TMEM38B: variants seen among roughly 807,000 people sequenced by gnomAD.
The protein encoded by TMEM38B is trimeric intracellular cation channel type B.
In TMEM38B, 24 loss-of-function variants were observed where a neutral mutation model predicts 28.7. That is an observed-to-expected ratio of 0.84 (90% CI 0.61 to 1.18). The LOEUF is 1.18. Among genes scored for constraint, TMEM38B ranks in the 50% most tolerant of loss-of-function variants. TMEM38B has a pLI of 0.00. For synonymous variants in TMEM38B, 131 were observed against 127.7 expected (o/e 1.03, Z -0.17); for missense variants, 380 against 350.9 (o/e 1.08, Z -0.66).
At chr9:105,705,774 C>T in intron 2 of TMEM38B, 21 bp downstream of exon 2, 1 of 1,597,808 alleles carries the variant, frequency 6.3e-7, no homozygotes, top group Non-Finnish European at 8.5e-7. Context: ...AGTATGGTGA[C>T]CTATGTGACA....
chr9:105,748,352 A>T (rs1191199853), intron 5 of TMEM38B, among the ~76,000 whole-genome samples, 162 bp downstream of exon 5: 1 of 152,118 alleles, frequency 6.6e-6, no homozygotes, highest in African/African-American at 2.4e-5. Flanking sequence ...ACTTTCTGAA[A>T]CTTAGCTTTT....
intron 4 of TMEM38B, among the ~76,000 whole-genome samples, chr9:105,732,686 G>A (rs1836800679): frequency 6.6e-6 from 1 of 152,154 alleles, no homozygotes; most frequent in Non-Finnish European, 1.5e-5. Flanking sequence ...TTTGGTACCA[G>A]TACCATGCTA....
chr9:105,759,809 G>A, intron 5 of TMEM38B: 1 of 1,607,662 alleles, frequency 6.2e-7, no homozygotes, highest in Non-Finnish European at 8.5e-7. Flanking sequence ...GAGGAGTTGT[G>A]TAATGGGAAA....
At chr9:105,736,577 A>G (rs1291535283) in intron 4 of TMEM38B, among the ~76,000 whole-genome samples, 1 of 152,110 alleles carries the variant, frequency 6.6e-6, no homozygotes, top group Non-Finnish European at 1.5e-5. Flanking sequence ...CATTATTTGA[A>G]TTCCTTTTTA....
At chr9:105,755,234 A>G (rs1172410523) in intron 5 of TMEM38B, among the ~76,000 whole-genome samples, 3 of 152,174 alleles carry the variant, frequency 2.0e-5, no homozygotes, top group African/African-American at 7.2e-5. Flanking sequence ...GTACCATTCT[A>G]CTGAATCTAG....
intron 2 of TMEM38B, among the ~76,000 whole-genome samples, chr9:105,719,994 G>C (rs1836263446): frequency 1.3e-5 from 2 of 151,986 alleles, no homozygotes; most frequent in Non-Finnish European, 2.9e-5. Context: ...TATTCAAAGA[G>C]AGAACTATAC....
intron 5 of TMEM38B, chr9:105,758,231 A>G (rs534097222): frequency 3.3e-5 from 22 of 662,644 alleles, no homozygotes; most frequent in Middle Eastern, 3.8e-4. Context: ...TCAGGCGGGC[A>G]TGTATTATTC....
At chr9:105,741,876 A>C (rs2133607795) in intron 4 of TMEM38B, among the ~76,000 whole-genome samples, 1 of 152,334 alleles carries the variant, frequency 6.6e-6, no homozygotes, top group South Asian at 2.1e-4. Flanking sequence ...GAGAGAAGTG[A>C]GGGTGTGACT....
At chr9:105,759,422 C>T (rs1283762750) in intron 5 of TMEM38B, 2 of 1,556,060 alleles carry the variant, frequency 1.3e-6, no homozygotes, top group Non-Finnish European at 8.7e-7. Flanking sequence ...ATAAGCAATC[C>T]AGGATTTCAA....
intron 4 of TMEM38B, among the ~76,000 whole-genome samples, chr9:105,734,125 ATTGGT>A (rs1215539106): frequency 3.9e-5 from 6 of 151,942 alleles, no homozygotes; most frequent in Admixed American, 3.9e-4. Context: ...TCATGTAAGT[ATTGGT>A]ATATCTTATT....
intron 4 of TMEM38B, among the ~76,000 whole-genome samples, chr9:105,730,129 T>A (rs1005766784): frequency 2.0e-5 from 3 of 152,178 alleles, no homozygotes; most frequent in Non-Finnish European, 2.9e-5. Context: ...ATAGGAGTGG[T>A]GAGAGAGGGC....
intron 2 of TMEM38B, among the ~76,000 whole-genome samples, chr9:105,715,644 A>G (rs1448152407): frequency 6.6e-6 from 1 of 151,738 alleles, no homozygotes; most frequent in Admixed American, 6.6e-5. Context: ...TTCTTTGAAG[A>G]CACTATCTGT....
chr9:105,709,587 T>G (rs1159782955), intron 2 of TMEM38B, among the ~76,000 whole-genome samples: 1 of 152,236 alleles, frequency 6.6e-6, no homozygotes, highest in Non-Finnish European at 1.5e-5. Context: ...GTACAATGTT[T>G]TGCCCACAGT....
At chr9:105,773,111 G>C (rs921636650) in intron 5 of TMEM38B, among the ~76,000 whole-genome samples, 1 of 152,142 alleles carries the variant, frequency 6.6e-6, no homozygotes, top group African/African-American at 2.4e-5. Flanking sequence ...CTTTGGAGCT[G>C]TTCTAGACTT....
At chr9:105,740,773 G>T (rs1054488975) in intron 4 of TMEM38B, among the ~76,000 whole-genome samples, 1 of 152,074 alleles carries the variant, frequency 6.6e-6, no homozygotes, top group Admixed American at 6.5e-5. Flanking sequence ...TATACGTATT[G>T]TGGAAAATTT....
chr9:105,759,224 G>T, intron 5 of TMEM38B: 1 of 715,450 alleles, frequency 1.4e-6, no homozygotes, highest in South Asian at 1.6e-5. Flanking sequence ...AATTATTTGT[G>T]AACATTTTGG....
At chr9:105,715,214 A>G (rs1836051529) in intron 2 of TMEM38B, among the ~76,000 whole-genome samples, 1 of 152,182 alleles carries the variant, frequency 6.6e-6, no homozygotes, top group African/African-American at 2.4e-5. Flanking sequence ...TTTAACAATA[A>G]ATGTACTATT....
chr9:105,709,447 G>T (rs1299257952), intron 2 of TMEM38B, among the ~76,000 whole-genome samples: 2 of 152,032 alleles, frequency 1.3e-5, no homozygotes, highest in African/African-American at 4.8e-5. Flanking sequence ...GATATGAATG[G>T]TGTAAAATAT....
intron 5 of TMEM38B, among the ~76,000 whole-genome samples, chr9:105,765,746 G>A (rs1359400029): frequency 1.3e-5 from 2 of 152,100 alleles, no homozygotes; most frequent in Non-Finnish European, 2.9e-5. Flanking sequence ...TATAAATAAA[G>A]CTGCTATGAA....
Sources: gnomAD v4.1 joint callset for allele counts (sites outside exome capture counted in the v4.1 genomes callset) on GRCh38, gnomAD v4.1.1 for gene constraint, MANE v1.5 for transcripts, NCBI Gene and HGNC (gene_info 2026-07-23, HGNC 2026-07-21) for gene names.